The following ABI3BP variants were observed in gnomAD, a reference collection of about 807,000 sequenced individuals.
ABI3BP encodes the protein target of Nesh-SH3.
A neutral mutation model predicts 268.6 loss-of-function variants in ABI3BP; 216 were observed. That is an observed-to-expected ratio of 0.80 (90% confidence interval 0.72 to 0.90). The LOEUF is 0.90. Among genes scored for constraint, ABI3BP ranks in the 40% least tolerant of loss-of-function variants. ABI3BP has a pLI of 0.00. For synonymous variants in ABI3BP, 730 were observed against 730.0 expected, an observed-to-expected ratio of 1.00 and a Z score of 0.00; for missense variants, 2,090 against 2,182.4, an observed-to-expected ratio of 0.96 and a Z score of 0.84.
rs116584266 is a variant in ABI3BP at position 100,749,649 on chromosome 3, A to G, written c.*846T>C. 1,641 of 398,496 alleles carry G rather than the reference A, an allele frequency of 4.1e-3. 24 individuals are homozygous for G. The highest frequency in any genetic ancestry group is 0.03 in the African/African-American group (1,446 of 48,720). The allele number at this position is 398,496 out of a possible 1,614,324, so 24.7% of individuals were successfully genotyped here. Reference sequence around the variant, plus strand: ...TAAATATCCTATAAAATGGTAGGCAATCTCATCGTGCATTATCTTTTTGTG... The same window carrying G: ...TAAATATCCTATAAAATGGTAGGCAGTCTCATCGTGCATTATCTTTTTGTG... On this transcript the variant is annotated 3_prime_UTR_variant, in exon 68 of 68. Coordinates refer to ENST00000471714, the MANE Select transcript of ABI3BP (RefSeq NM_001375547.2).
intron 6 of ABI3BP, 68 bp from the exon 7 acceptor site, chr3:100,876,628 G>A (rs550635831): frequency 1.6e-5 from 22 of 1,404,974 alleles, no homozygotes; most frequent in Admixed American, 3.4e-5. Context: ...TAAAACGTTC[G>A]GAGAACTGGA....
chr3:100,949,823 A>G (rs1561968145), intron 1 of ABI3BP, among the ~76,000 whole-genome samples: 2 of 152,216 alleles, frequency 1.3e-5, no homozygotes, highest in Non-Finnish European at 2.9e-5. Flanking sequence ...GGAGGACTGT[A>G]TAGTGGAACA....
At chr3:100,916,594 T>TTGC (rs2058686492) in intron 2 of ABI3BP, among the ~76,000 whole-genome samples, 1 of 151,944 alleles carries the variant, frequency 6.6e-6, no homozygotes, top group Non-Finnish European at 1.5e-5. Context: ...GCTCTAAGGA[T>TTGC]TTAATAACCC....
intron 2 of ABI3BP, among the ~76,000 whole-genome samples, chr3:100,921,356 G>A (rs761872089): frequency 4.6e-5 from 7 of 152,086 alleles, no homozygotes; most frequent in Non-Finnish European, 7.4e-5. Context: ...AAGTGTTTTC[G>A]GATGTCAACA....
chr3:100,751,414 G>A (rs2095319630), intron 67 of ABI3BP, 138 bp downstream of exon 67: 3 of 916,850 alleles, frequency 3.3e-6, no homozygotes, highest in Non-Finnish European at 4.3e-6. Context: ...AACTTACATT[G>A]AAGTCTTCAT....
intron 11 of ABI3BP, 47 bp from the exon 12 acceptor site, chr3:100,864,123 G>T: frequency 7.7e-7 from 1 of 1,297,148 alleles, no homozygotes; most frequent in Non-Finnish European, 1.1e-6. Flanking sequence ...CTTGGGTTTT[G>T]ATGTTGTGGC....
intron 1 of ABI3BP, among the ~76,000 whole-genome samples, chr3:100,964,894 C>T (rs554971357): frequency 6.6e-6 from 1 of 152,312 alleles, no homozygotes; most frequent in East Asian, 1.9e-4. Context: ...TTCTTTAAAG[C>T]TTTGATTGGT....
intron 4 of ABI3BP, among the ~76,000 whole-genome samples, chr3:100,896,002 A>ATTTACTAGTACTCCAAATACTCCTTT (rs2047494949): frequency 6.6e-6 from 1 of 152,166 alleles, no homozygotes; most frequent in Admixed American, 6.5e-5. Flanking sequence ...GGGAAATGAA[A>ATTTACTAGTACTCCAAATACTCCTTT]TTTACTAGTA....
chr3:100,851,069 C>T (rs2098832355), intron 15 of ABI3BP, among the ~76,000 whole-genome samples: 1 of 152,090 alleles, frequency 6.6e-6, no homozygotes, highest in African/African-American at 2.4e-5. Context: ...ATTTTCTGCT[C>T]TTTAAAATTA....
chr3:100,882,245 T>C (rs62277105), intron 6 of ABI3BP, among the ~76,000 whole-genome samples: 15,002 of 152,080 alleles, frequency 0.099, 1,031 homozygotes, highest in Non-Finnish European at 0.15. Context: ...CCTTCTAAGA[T>C]AGGTCTCAGA....
intron 36 of ABI3BP, 58 bp from the exon 37 acceptor site, chr3:100,823,572 C>T (rs2098288412): frequency 1.5e-6 from 2 of 1,357,762 alleles, no homozygotes; most frequent in Non-Finnish European, 9.9e-7. Flanking sequence ...AGTTAGAACA[C>T]TCACATGCAA....
At chr3:100,992,006 T>A (rs1040264897) in intron 1 of ABI3BP, among the ~76,000 whole-genome samples, 1 of 152,202 alleles carries the variant, frequency 6.6e-6, no homozygotes, top group Non-Finnish European at 1.5e-5. Context: ...TGTTAAATAT[T>A]CCATTAGTAG....
At chr3:100,974,498 CAA>C (rs377155699) in intron 1 of ABI3BP, among the ~76,000 whole-genome samples, 2 of 151,904 alleles carry the variant, frequency 1.3e-5, no homozygotes, top group Non-Finnish European at 1.5e-5. Context: ...AAAAAACGGA[CAA>C]AAAAAGTTAA....
intron 24 of ABI3BP, among the ~76,000 whole-genome samples, chr3:100,838,891 C>A (rs1005944076): frequency 1.1e-4 from 16 of 152,178 alleles, no homozygotes; most frequent in African/African-American, 3.6e-4. Flanking sequence ...TACATGGCTG[C>A]CGATGTCTGG....
At chr3:100,863,911 T>C in intron 12 of ABI3BP, 91 bp downstream of exon 12, 1 of 961,720 alleles carries the variant, frequency 1.0e-6, no homozygotes, top group Non-Finnish European at 1.6e-6. Flanking sequence ...GGATTGGGTA[T>C]AAATTAGCGT....
chr3:100,899,260 C>T (rs981088687), intron 3 of ABI3BP, among the ~76,000 whole-genome samples: 1 of 152,192 alleles, frequency 6.6e-6, no homozygotes, highest in Non-Finnish European at 1.5e-5. Context: ...CACACATACA[C>T]ACACTTAATT....
At chr3:100,813,564 C>A in intron 45 of ABI3BP, 97 bp downstream of exon 45, 1 of 987,246 alleles carries the variant, frequency 1.0e-6, no homozygotes, top group Non-Finnish European at 1.5e-6. Context: ...ATGTATATTC[C>A]TTTTTCATTT....
intron 20 of ABI3BP, chr3:100,843,866 T>G: frequency 1.0e-6 from 1 of 984,798 alleles, no homozygotes; most frequent in Non-Finnish European, 1.2e-6. Flanking sequence ...AAATAAAATT[T>G]GCTACTCATT....
At chr3:100,877,296 T>A (rs2153309108) in intron 6 of ABI3BP, among the ~76,000 whole-genome samples, 1 of 152,274 alleles carries the variant, frequency 6.6e-6, no homozygotes, top group Middle Eastern at 3.4e-3. Context: ...ATCCAATTGC[T>A]GCTGCTGCTG....
Sources: allele counts gnomAD v4.1 joint callset (sites outside exome capture counted in the v4.1 genomes callset), GRCh38; gene constraint gnomAD v4.1.1; transcripts MANE v1.5; gene names NCBI Gene and HGNC (gene_info 2026-07-23, HGNC 2026-07-21).